The following ASIC2 variants were observed in gnomAD, a reference collection of about 807,000 sequenced individuals.
ASIC2 encodes acid sensing ion channel subunit 2, also known as acid-sensing ion channel 2.
In ASIC2, 25 loss-of-function variants were observed where a neutral mutation model predicts 57.3. The ratio of observed to expected loss-of-function variants is 0.44; its 90% CI spans 0.32 to 0.61. ASIC2 has a LOEUF of 0.61. Among genes scored for constraint, ASIC2 ranks in the 20% least tolerant of loss-of-function variants. The probability of loss-of-function intolerance (pLI) is 0.06; values close to 1 mark genes in which losing one functional copy is unlikely to be tolerated. For missense variants in ASIC2, 641 were observed against 738.1 expected, an observed-to-expected ratio of 0.87 and a Z score of 1.52; for synonymous variants, 319 against 307.5, an observed-to-expected ratio of 1.04 and a Z score of -0.39.
chr17:33,825,069 T>C (rs1221426178), intron 1 of ASIC2, among the ~76,000 whole-genome samples: 1 of 152,226 alleles, frequency 6.6e-6, no homozygotes, highest in Admixed American at 6.5e-5. Context: ...ACCCAGCCCA[T>C]AGTAAGTCCT....
At chr17:33,111,102 C>T (rs2092256336) in intron 2 of ASIC2, among the ~76,000 whole-genome samples, 1 of 152,192 alleles carries the variant, frequency 6.6e-6, no homozygotes, top group Non-Finnish European at 1.5e-5. Context: ...CGTCATCACA[C>T]TGCCTTCTCT....
chr17:33,223,779 G>A (rs944920621), intron 1 of ASIC2, among the ~76,000 whole-genome samples: 7 of 152,220 alleles, frequency 4.6e-5, no homozygotes, highest in Admixed American at 1.3e-4. Context: ...GACGGACAGT[G>A]CGAGTGAAGC....
Position 33,106,509 on chromosome 17 carries a change from G to C in ASIC2, c.859+5408C>G, listed in dbSNP as rs372071022. Among the ~76,000 whole-genome samples the C allele has an allele frequency of 3.0e-4, 46 of 152,304 alleles. 1 individual carries two copies. The South Asian group carries it at 6.4e-3, about 21-fold the overall frequency. Reference sequence around the variant, plus strand: ...TTTGTTAGAAAACTCCCTGTACACGGATTCCGGTTTCCTCAGACGTAACCC... The same window carrying C: ...TTTGTTAGAAAACTCCCTGTACACGCATTCCGGTTTCCTCAGACGTAACCC... On this transcript the variant is annotated intron_variant, in intron 2 of 9. Coordinates refer to ENST00000225823, the MANE Select transcript of ASIC2 (RefSeq NM_183377.2).
At chr17:33,254,851 C>G (rs535326264) in intron 1 of ASIC2, among the ~76,000 whole-genome samples, 50 of 152,060 alleles carry the variant, frequency 3.3e-4, no homozygotes, top group Admixed American at 2.5e-3. Flanking sequence ...CACACAGACA[C>G]GTGCATGGGT....
At chr17:33,772,977 C>T (rs1911160637) in intron 1 of ASIC2, among the ~76,000 whole-genome samples, 2 of 152,204 alleles carry the variant, frequency 1.3e-5, no homozygotes, top group African/African-American at 4.8e-5. Context: ...ACCTGGCACA[C>T]AGCAAGTGCT....
At chr17:33,836,634 C>A (rs1307742203) in intron 1 of ASIC2, among the ~76,000 whole-genome samples, 1 of 152,050 alleles carries the variant, frequency 6.6e-6, no homozygotes, top group Admixed American at 6.5e-5. Context: ...GCAGGTGGAT[C>A]ACAAGATCAG....
intron 1 of ASIC2, among the ~76,000 whole-genome samples, chr17:33,821,279 T>A (rs1177266881): frequency 1.3e-5 from 2 of 152,194 alleles, no homozygotes; most frequent in East Asian, 3.9e-4. Context: ...CTTGGTTAGT[T>A]TACTGACTGC....
chr17:33,744,660 G>C (rs1910209435), intron 1 of ASIC2, among the ~76,000 whole-genome samples: 1 of 152,018 alleles, frequency 6.6e-6, no homozygotes, highest in Admixed American at 6.5e-5. Context: ...GATATATAAA[G>C]AAACAAAAAT....
chr17:33,132,620 C>T (rs543564576), intron 1 of ASIC2, among the ~76,000 whole-genome samples: 15 of 152,286 alleles, frequency 9.8e-5, no homozygotes, highest in African/African-American at 2.6e-4. Context: ...TGCACACTTG[C>T]GACCTAGAGC....
intron 1 of ASIC2, among the ~76,000 whole-genome samples, chr17:33,937,625 A>G (rs1426271048): frequency 1.3e-5 from 2 of 152,168 alleles, no homozygotes; most frequent in South Asian, 2.1e-4. Flanking sequence ...TCTTCTACTT[A>G]AGGCTATCAC....
chr17:34,031,738 G>A (rs1287821340), intron 1 of ASIC2, among the ~76,000 whole-genome samples: 3 of 152,166 alleles, frequency 2.0e-5, no homozygotes, highest in East Asian at 1.9e-4. Context: ...TAGCCAATGC[G>A]ATCAACTGGA....
rs372416948 is a variant in ASIC2 at position 34,102,285 on chromosome 17, G to T, written c.555+53693C>A. 2.4e-3 allele frequency among the ~76,000 whole-genome samples: 364 copies of T among 152,062 alleles called. 2 individuals are homozygous for T. The highest frequency in any genetic ancestry group is 8.6e-3 in the African/African-American group (355 of 41,476). On this transcript the variant is annotated intron_variant, in intron 1 of 9. Transcript: ENST00000359872. ...GCAGAGGTTGCAGTGAGCTGAGATC[G>T]CCCCACTGCACTCCAGCCTAGGTGA...
chr17:33,067,834 C>T (rs149155881), intron 3 of ASIC2, among the ~76,000 whole-genome samples: 1 of 152,336 alleles, frequency 6.6e-6, no homozygotes, highest in East Asian at 1.9e-4. Context: ...CGAATTGTTC[C>T]TTCAAAGCCA....
chr17:33,579,080 A>T (rs1916760789), intron 1 of ASIC2, among the ~76,000 whole-genome samples: 1 of 151,444 alleles, frequency 6.6e-6, no homozygotes, highest in South Asian at 2.1e-4. Flanking sequence ...GAGGTCAGGG[A>T]TTCAGACCAG....
intron 1 of ASIC2, among the ~76,000 whole-genome samples, chr17:33,813,195 C>T (rs921568368): frequency 1.3e-5 from 2 of 151,932 alleles, no homozygotes. Flanking sequence ...GGGAGGAGCA[C>T]GGAGGACCCA....
intron 3 of ASIC2, among the ~76,000 whole-genome samples, chr17:33,088,300 G>A (rs3923217): frequency 0.019 from 2,859 of 152,276 alleles, 92 homozygotes; most frequent in African/African-American, 0.066. Context: ...CGCTTCAGAC[G>A]TGAGGCTGTG....
At position 33,431,365 on chromosome 17, in the gene ASIC2, G is replaced by C. The variant is rs531585790; in HGVS notation, c.556-319298C>G. On this transcript the variant is annotated intron_variant, in intron 1 of 9. Coordinates refer to the ASIC2 transcript ENST00000359872. ...CTCACGCCTGTAATCCCAGCACTTT[G>C]AGAGGTCGAGGCGGGCAGATCACTT... 3.9e-5 allele frequency among the ~76,000 whole-genome samples: 6 copies of C among 152,280 alleles called. No homozygotes were observed. In the South Asian group the frequency reaches 1.0e-3, roughly 26 times the overall value.
At chr17:33,436,853 C>CTTCTTTTTTTTTT (rs1356302162) in intron 1 of ASIC2, among the ~76,000 whole-genome samples, 4 of 66,616 alleles carry the variant, frequency 6.0e-5, no homozygotes, top group East Asian at 5.3e-4. Flanking sequence ...ATTCCAACTT[C>CTTCTTTTTTTTTT]TTTTTTTTTT....
chr17:33,280,272 G>A (rs556204042), intron 1 of ASIC2, among the ~76,000 whole-genome samples: 25 of 152,174 alleles, frequency 1.6e-4, no homozygotes, highest in Admixed American at 1.4e-3. Context: ...ATGTTTCCCC[G>A]GCTGGTTAAA....
Sources: allele counts gnomAD v4.1 joint callset (sites outside exome capture counted in the v4.1 genomes callset), GRCh38; gene constraint gnomAD v4.1.1; transcripts MANE v1.5; gene names NCBI Gene and HGNC (gene_info 2026-07-23, HGNC 2026-07-21).